The following POSTN variants were observed in gnomAD, a reference collection of about 807,000 sequenced individuals.
The protein encoded by POSTN is periostin.
A neutral mutation model predicts 104.5 loss-of-function variants in POSTN; 71 were observed. That is an observed-to-expected ratio of 0.68 (90% CI 0.56 to 0.83). The LOEUF is 0.83. POSTN is among the 40% of genes least tolerant of loss of function. POSTN has a pLI of 0.00. For synonymous variants in POSTN, 355 were observed against 340.7 expected (o/e 1.04, Z -0.46); for missense variants, 949 against 1,006.8 (o/e 0.94, Z 0.78).
At chr13:37,595,556 G>T (rs1367928390) in intron 2 of POSTN, among the ~76,000 whole-genome samples, 2 of 152,094 alleles carry the variant, frequency 1.3e-5, no homozygotes, top group Non-Finnish European at 2.9e-5. Context: ...TTGTATACAT[G>T]GTTCTTACTT....
chr13:37,592,739 ATTT>A (rs1950976592), intron 2 of POSTN, among the ~76,000 whole-genome samples: 1 of 152,232 alleles, frequency 6.6e-6, no homozygotes, highest in Non-Finnish European at 1.5e-5. Flanking sequence ...TGAGCAAGTC[ATTT>A]AATCAATAGG....
At chr13:37,595,839 C>A (rs1951070488) in intron 2 of POSTN, among the ~76,000 whole-genome samples, 1 of 143,790 alleles carries the variant, frequency 7.0e-6, no homozygotes, top group Non-Finnish European at 1.5e-5. Context: ...GAGACAGAGT[C>A]TCACTCTGTT....
At chr13:37,598,305 A>G (rs925966883) in intron 1 of POSTN, among the ~76,000 whole-genome samples, 1 of 152,138 alleles carries the variant, frequency 6.6e-6, no homozygotes, top group African/African-American at 2.4e-5. Context: ...GGAAGAAAAT[A>G]AAAACATAAA....
At chr13:37,583,538 C>T (rs1487369119) in intron 9 of POSTN, among the ~76,000 whole-genome samples, 2 of 148,340 alleles carry the variant, frequency 1.3e-5, no homozygotes, top group Non-Finnish European at 3.0e-5. Context: ...AATTCTCCTG[C>T]CTCAGCCTCC....
At chr13:37,565,495 C>T (rs560947244) in intron 21 of POSTN, 4 of 151,974 alleles carry the variant, frequency 2.6e-5, no homozygotes, top group East Asian at 1.9e-4. Flanking sequence ...GTTTTCAATT[C>T]GCTGAAATCA....
At chr13:37,583,599 A>G (rs982764710) in intron 9 of POSTN, among the ~76,000 whole-genome samples, 2 of 151,538 alleles carry the variant, frequency 1.3e-5, no homozygotes, top group South Asian at 2.1e-4. Flanking sequence ...TAATTTTTGT[A>G]TTTTTAGTAG....
intron 18 of POSTN, 167 bp from the exon 19 acceptor site, chr13:37,570,836 TC>T (rs1420365456): frequency 1.8e-6 from 1 of 553,206 alleles, no homozygotes; most frequent in Admixed American, 3.1e-5. Flanking sequence ...TCAATAGGGA[TC>T]TAAAAGGTAA....
At chr13:37,590,756 T>A (rs904635090) in intron 3 of POSTN, among the ~76,000 whole-genome samples, 2 of 152,038 alleles carry the variant, frequency 1.3e-5, no homozygotes, top group African/African-American at 4.8e-5. Context: ...GAAAAAAAAA[T>A]TTAAACTGTC....
intron 21 of POSTN, among the ~76,000 whole-genome samples, chr13:37,566,886 T>C (rs1303069479): frequency 6.6e-6 from 1 of 152,116 alleles, no homozygotes; most frequent in Non-Finnish European, 1.5e-5. Context: ...GTTAGCCATG[T>C]TAATAGTCAT....
Position 37,569,328 on chromosome 13 carries a change from A to C in POSTN, c.2403T>G (p.Asp801Glu), listed in dbSNP as rs1457524673. The stretch of plus-strand genomic sequence containing the variant: ...CCTGAAGCAGTCTTTTAATTTCTTC[A>C]TCTTCAAATAAATGACCATCACCAC... The part of the protein sequence containing the change: ...IEGGDGHLFE[D>E]EEIKRLLQGD... The change falls in exon 21 of 23, where the codon GAT becomes GAG. Residue 801 changes from aspartate to glutamate, a missense_variant. Physicochemically the swap from Asp to Glu is conservative, Grantham distance 45. Coordinates refer to ENST00000379747, the MANE Select transcript of POSTN (RefSeq NM_006475.3). The C allele has an allele frequency of 6.2e-7, 1 of 1,612,544 alleles. No homozygotes were observed. The highest frequency in any genetic ancestry group is 8.5e-7 in the Non-Finnish European group (1 of 1,179,002).
In POSTN at chr13:37,570,563, A is replaced by G. The variant is rs1451714010; in HGVS notation, c.2269+17T>C. 4.0e-6 allele frequency: 6 copies of G among 1,505,128 alleles called. No homozygotes were observed. The highest frequency in any genetic ancestry group is 5.5e-6 in the Non-Finnish European group (6 of 1,082,168). The allele number at this position is 1,505,128 out of a possible 1,614,324, so 93.2% of individuals were successfully genotyped here. ...TTATAATCTAGGCATAGATCCATGT[A>G]TGGAATTAATGGCTACCTGTAATGA... On this transcript the variant is annotated intron_variant, in intron 19 of 22. Coordinates refer to ENST00000379747, the MANE Select transcript of POSTN (RefSeq NM_006475.3).
chr13:37,580,564 A>G lies in POSTN; in HGVS notation c.1526T>C (p.Phe509Ser). 6.2e-7 allele frequency: 1 copy of G among 1,613,952 alleles called. No individual in the cohort carries two copies. Among genetic ancestry groups the G allele is most frequent in the Non-Finnish European group, 8.5e-7 (1 of 1,179,894 alleles). The change falls in exon 11 of 23, where the codon TTT (phenylalanine) becomes TCT (serine). Residue 509 changes from phenylalanine to serine, a missense_variant. Physicochemically the swap from Phe to Ser is radical, Grantham distance 155. Transcript: ENST00000379747. ...LHEKLKQDKR[F>S]STFLSLLEAA... ...GAGGTGCCACTAATAGGCTTACCTA[A>G]AGCGCTTATCTTGTTTTAACTTTTC...
rs141881275 is a variant in POSTN, at chr13:37,584,015, T to C, written c.1197A>G (p.Pro399=). Residue 399 remains proline, a synonymous_variant, in exon 9 of 23, where the codon CCA becomes CCG. Transcript: ENST00000379747. ...GTGCCAGCAAAGTGTATTCTCCATC[T>C]GGCCTCAGAGCAGATGCCAAGCCTA... ...AQLGLASALR[P]DGEYTLLAPV... is the part of the protein sequence containing the mutation. 34 of 1,613,970 alleles carry C rather than the reference T, an allele frequency of 2.1e-5. No individual in the cohort carries two copies. In the African/African-American group the frequency reaches 4.1e-4, roughly 20 times the overall value.
intron 4 of POSTN, among the ~76,000 whole-genome samples, chr13:37,589,769 C>T (rs960093970): frequency 1.3e-5 from 2 of 151,938 alleles, no homozygotes; most frequent in African/African-American, 4.8e-5. Context: ...AATTCATCTC[C>T]ATATCTAGTA....
chr13:37,567,281 A>G (rs1418473335), intron 21 of POSTN, among the ~76,000 whole-genome samples: 2 of 150,378 alleles, frequency 1.3e-5, no homozygotes, highest in Non-Finnish European at 3.0e-5. Flanking sequence ...AATGTATACG[A>G]TATGAACTGT....
At chr13:37,573,230 A>G (rs1950305770) in intron 17 of POSTN, among the ~76,000 whole-genome samples, 1 of 151,554 alleles carries the variant, frequency 6.6e-6, no homozygotes, top group African/African-American at 2.4e-5. Flanking sequence ...TAAAAACAGG[A>G]CAAGATTTGA....
chr13:37,593,956 T>C (rs1211820851), intron 2 of POSTN, among the ~76,000 whole-genome samples: 1 of 151,770 alleles, frequency 6.6e-6, no homozygotes, highest in East Asian at 1.9e-4. Flanking sequence ...GAATAATAGA[T>C]AGCTAAAAAT....
chr13:37,586,018 G>T, intron 7 of POSTN, 121 bp downstream of exon 7: 1 of 886,932 alleles, frequency 1.1e-6, no homozygotes, highest in Non-Finnish European at 1.7e-6. Flanking sequence ...GTACATCTCA[G>T]AATAAAAATT....
At chr13:37,597,102 G>T (rs1362106248) in intron 2 of POSTN, 82 bp downstream of exon 2, 5 of 840,788 alleles carry the variant, frequency 5.9e-6, no homozygotes, top group South Asian at 2.2e-5. Context: ...CAAGAAGAAT[G>T]GTGTGTACAC....
Sources: gnomAD v4.1 joint callset for allele counts (sites outside exome capture counted in the v4.1 genomes callset) on GRCh38, gnomAD v4.1.1 for gene constraint, MANE v1.5 for transcripts, NCBI Gene and HGNC (gene_info 2026-07-23, HGNC 2026-07-21) for gene names.